The following VPS8 variants were observed in gnomAD, a reference collection of about 807,000 sequenced individuals.
The protein encoded by VPS8 is vacuolar protein sorting-associated protein 8 homolog.
In VPS8, 129 loss-of-function variants were observed where a neutral mutation model predicts 216.4. The ratio of observed to expected loss-of-function variants is 0.60; its 90% CI spans 0.52 to 0.69. The LOEUF (loss-of-function observed/expected upper bound fraction) is 0.69, where lower values mean the gene tolerates loss of function less well. Ranked by LOEUF, VPS8 falls within the 30% of genes least tolerant of loss-of-function variation. The pLI is 0.00. For missense variants in VPS8, 1,531 were observed against 1,683.5 expected (o/e 0.91, Z 1.59); for synonymous variants, 571 against 565.4 (o/e 1.01, Z -0.14).
At chr3:184,824,931 G>A in intron 2 of VPS8, 146 bp downstream of exon 2, 8 of 708,988 alleles carry the variant, frequency 1.1e-5, no homozygotes, top group Non-Finnish European at 1.6e-5. Context: ...TTGGATACAG[G>A]GTCTCACTCT....
At chr3:184,955,559 C>T (rs1489815566) in intron 36 of VPS8, among the ~76,000 whole-genome samples, 1 of 151,708 alleles carries the variant, frequency 6.6e-6, no homozygotes, top group East Asian at 1.9e-4. Flanking sequence ...CTGGTCTCCG[C>T]GTCTTGGTGG....
chr3:184,925,226 C>A (rs188360828), intron 30 of VPS8, among the ~76,000 whole-genome samples: 1 of 152,118 alleles, frequency 6.6e-6, no homozygotes, highest in Admixed American at 6.5e-5. Context: ...GCCTAGAATT[C>A]GTTGCTCAAG....
chr3:184,834,805 A>C (rs1720717738), intron 5 of VPS8, 63 bp downstream of exon 5: 20 of 1,309,366 alleles, frequency 1.5e-5, no homozygotes, highest in Non-Finnish European at 2.1e-5. Flanking sequence ...AGTAGGAATG[A>C]GCATAGAACA....
intron 34 of VPS8, among the ~76,000 whole-genome samples, chr3:184,934,719 G>A (rs572606458): frequency 4.5e-4 from 68 of 152,206 alleles, no homozygotes; most frequent in Non-Finnish European, 8.5e-4. Context: ...GCAGATAAGT[G>A]CAGCTTGATC....
At chr3:185,038,301 G>A (rs1759177932) in intron 46 of VPS8, among the ~76,000 whole-genome samples, 1 of 152,222 alleles carries the variant, frequency 6.6e-6, no homozygotes, top group African/African-American at 2.4e-5. Flanking sequence ...ATACCACACT[G>A]TTAAGCTCTA....
At chr3:184,936,856 G>A (rs1347117641) in intron 35 of VPS8, among the ~76,000 whole-genome samples, 2 of 151,732 alleles carry the variant, frequency 1.3e-5, no homozygotes, top group Non-Finnish European at 2.9e-5. Context: ...TCCTGCCTCA[G>A]CCTCCTGAGT....
At chr3:184,837,912 C>T (rs746354414) in intron 5 of VPS8, among the ~76,000 whole-genome samples, 4 of 152,202 alleles carry the variant, frequency 2.6e-5, no homozygotes, top group Non-Finnish European at 5.9e-5. Context: ...ATTGCCTGTT[C>T]TATACATCTC....
chr3:184,992,626 T>C (rs183074500), intron 42 of VPS8, among the ~76,000 whole-genome samples: 1,635 of 152,244 alleles, frequency 0.011, 30 homozygotes, highest in African/African-American at 0.037. Context: ...TGGCATATGC[T>C]ACTCACTTAA....
intron 40 of VPS8, among the ~76,000 whole-genome samples, chr3:184,977,611 T>C (rs1749490639): frequency 6.6e-6 from 1 of 152,158 alleles, no homozygotes; most frequent in African/African-American, 2.4e-5. Context: ...CTAATCCATC[T>C]TAAGTTGATC....
At position 184,905,795 on chromosome 3, in the gene VPS8, G is replaced by T. The variant is rs141527165; in HGVS notation, c.2146+4823G>T. ...CTTAGCCTGTAAACATTGAGAAAGT[G>T]TTCAACTTCATTAGTAATGTAAGAA... On this transcript the variant is annotated intron_variant, in intron 25 of 47. Coordinates refer to ENST00000625842, the MANE Select transcript of VPS8 (RefSeq NM_001009921.3). Among the ~76,000 whole-genome samples, 279 of 152,030 alleles carry T rather than the reference G, an allele frequency of 1.8e-3. 1 individual carries two copies. Among genetic ancestry groups the T allele is most frequent in the African/African-American group, 6.0e-3 (248 of 41,520 alleles).
At chr3:184,850,190 C>G (rs1339057166) in intron 10 of VPS8, among the ~76,000 whole-genome samples, 168 bp downstream of exon 10, 3 of 152,158 alleles carry the variant, frequency 2.0e-5, no homozygotes, top group Non-Finnish European at 4.4e-5. Context: ...TTTTATTTGA[C>G]TAGCCCAACA....
chr3:184,835,486 A>C (rs1055796512), intron 5 of VPS8, among the ~76,000 whole-genome samples: 8 of 152,150 alleles, frequency 5.3e-5, no homozygotes, highest in Non-Finnish European at 1.2e-4. Context: ...AGACAGCAGA[A>C]CTTTTCGTTT....
In VPS8 at chr3:184,981,350, A is replaced by G. The variant is rs148646395; in HGVS notation, c.3421-1216A>G. On this transcript the variant is annotated intron_variant, in intron 40 of 47. Coordinates refer to ENST00000625842, the MANE Select transcript of VPS8 (RefSeq NM_001009921.3). Reference sequence around the variant, plus strand: ...TGCACATGCTTGTGCCAGCATGGACAGCAGTGGTGTGGGGTGTGCTGCACA... The same window carrying G: ...TGCACATGCTTGTGCCAGCATGGACGGCAGTGGTGTGGGGTGTGCTGCACA... Among the ~76,000 whole-genome samples, 31 of 151,964 alleles carry G rather than the reference A, an allele frequency of 2.0e-4. No individual in the cohort carries two copies. The East Asian group carries it at 5.0e-3, about 25-fold the overall frequency.
At chr3:184,922,404 A>G in intron 29 of VPS8, 1 of 454,412 alleles carries the variant, frequency 2.2e-6, no homozygotes, top group South Asian at 1.6e-5. Context: ...TATTATTATT[A>G]TTACTGTTTT....
intron 23 of VPS8, among the ~76,000 whole-genome samples, chr3:184,897,996 C>T (rs1316249720): frequency 6.6e-6 from 1 of 152,044 alleles, no homozygotes; most frequent in Non-Finnish European, 1.5e-5. Flanking sequence ...TTAGGTCCCA[C>T]CTTAAATGTT....
At chr3:184,845,557 C>T (rs367664728) in intron 8 of VPS8, among the ~76,000 whole-genome samples, 7 of 151,884 alleles carry the variant, frequency 4.6e-5, no homozygotes, top group South Asian at 4.2e-4. Flanking sequence ...GTCGGGAGTT[C>T]GAGACCAGTC....
chr3:184,934,824 A>G (rs145503396), intron 34 of VPS8, among the ~76,000 whole-genome samples: 37 of 152,228 alleles, frequency 2.4e-4, no homozygotes, highest in South Asian at 8.3e-4. Flanking sequence ...ATTTTGTCCT[A>G]TTGGGTTTAA....
intron 9 of VPS8, 184 bp from the exon 10 acceptor site, chr3:184,849,752 A>G (rs1324046430): frequency 3.4e-6 from 2 of 580,598 alleles, no homozygotes; most frequent in Admixed American, 3.3e-5. Context: ...TGAAGGGTAA[A>G]TGAAGATCGA....
At chr3:184,938,641 C>CTTTTTTTTTTT (rs1298836777) in intron 35 of VPS8, among the ~76,000 whole-genome samples, 171 of 138,062 alleles carry the variant, frequency 1.2e-3, no homozygotes, top group African/African-American at 1.5e-3. Context: ...CTTTTCTTTT[C>CTTTTTTTTTTT]TTTTTTTCTT....
Sources: allele counts gnomAD v4.1 joint callset (sites outside exome capture counted in the v4.1 genomes callset), GRCh38; gene constraint gnomAD v4.1.1; transcripts MANE v1.5; gene names NCBI Gene and HGNC (gene_info 2026-07-23, HGNC 2026-07-21).